LRRC53: variants seen among roughly 807,000 people sequenced by gnomAD.
LRRC53 encodes leucine rich repeat containing 53.
In LRRC53, 25 loss-of-function variants were observed where a neutral mutation model predicts 13.6. That is an observed-to-expected ratio of 1.83 (90% CI 1.34 to 2.56). The LOEUF (loss-of-function observed/expected upper bound fraction) is 2.56. LRRC53 is among the 30% of genes most tolerant of loss of function. The probability of loss-of-function intolerance (pLI) is 0.00; values close to 1 mark genes in which losing one functional copy is unlikely to be tolerated. For missense variants in LRRC53, 527 were observed against 275.8 expected (o/e 1.91, Z -6.45); for synonymous variants, 204 against 109.8 (o/e 1.86, Z -5.37).
At chr1:74,491,812 C>G (rs1197520170) in intron 1 of LRRC53, among the ~76,000 whole-genome samples, 1 of 152,166 alleles carries the variant, frequency 6.6e-6, no homozygotes, top group East Asian at 1.9e-4. Context: ...TAATAACCTT[C>G]TAAATATATT....
At chr1:74,506,658 A>T (rs1570716043) in intron 1 of LRRC53, among the ~76,000 whole-genome samples, 1 of 152,218 alleles carries the variant, frequency 6.6e-6, no homozygotes, top group Admixed American at 6.5e-5. Flanking sequence ...CTCAGGCCCC[A>T]CACCGGACCT....
intron 2 of LRRC53, 97 bp from the exon 3 acceptor site, chr1:74,481,065 T>G (rs2100257955): frequency 1.7e-6 from 1 of 603,804 alleles, no homozygotes; most frequent in South Asian, 2.0e-5. Context: ...CTGAGCAATC[T>G]TATCACCTGG....
At chr1:74,473,293 T>G (rs1055358471) in intron 4 of LRRC53, among the ~76,000 whole-genome samples, 5 of 152,084 alleles carry the variant, frequency 3.3e-5, no homozygotes, top group Non-Finnish European at 7.4e-5. Context: ...TAGTCACACA[T>G]CAGCTAAGTG....
At chr1:74,532,124 A>G in the LRRC53 span, among the ~76,000 whole-genome samples, 1 of 152,230 alleles carries the variant, frequency 6.6e-6, no homozygotes, top group East Asian at 1.9e-4. Context: ...ATGCAGCTTA[A>G]AAAATTTTAC....
chr1:74,475,156 A>C, intron 4 of LRRC53, 139 bp downstream of exon 4: 1 of 557,498 alleles, frequency 1.8e-6, no homozygotes, highest in Non-Finnish European at 3.2e-6. Flanking sequence ...ACACACACAC[A>C]CAGTATTTTT....
rs115128182 is a variant in LRRC53, at chr1:74,481,936, G to A, written c.89-968C>T. 9.1e-3 allele frequency among the ~76,000 whole-genome samples: 1,389 copies of A among 152,130 alleles called. 11 individuals are homozygous for A. Among genetic ancestry groups the A allele is most frequent in the African/African-American group, 0.027 (1,135 of 41,508 alleles). On this transcript the variant is annotated intron_variant, in intron 2 of 4. Transcript: ENST00000294635. Reference sequence around the variant, plus strand: ...CCTTAGGAAATTCAGACTGCATCGCGGAAACAAAGAGATTAAAAAATACGT... The same window carrying A: ...CCTTAGGAAATTCAGACTGCATCGCAGAAACAAAGAGATTAAAAAATACGT...
chr1:74,529,371 A>C, the LRRC53 span, among the ~76,000 whole-genome samples: 1 of 152,274 alleles, frequency 6.6e-6, no homozygotes, highest in South Asian at 2.1e-4. Flanking sequence ...CTCTGATAAA[A>C]CCAAATTGAA....
intron 1 of LRRC53, among the ~76,000 whole-genome samples, chr1:74,496,778 C>G (rs1669348036): frequency 6.6e-6 from 1 of 152,076 alleles, no homozygotes; most frequent in Non-Finnish European, 1.5e-5. Flanking sequence ...TTTTGTGCCT[C>G]TAGATATATT....
At chr1:74,500,521 G>C (rs1669563286) in intron 1 of LRRC53, among the ~76,000 whole-genome samples, 1 of 146,518 alleles carries the variant, frequency 6.8e-6, no homozygotes, top group South Asian at 2.2e-4. Flanking sequence ...GGAGAATGGC[G>C]TGAACCCGGG....
chr1:74,531,067 A>G, the LRRC53 span, among the ~76,000 whole-genome samples: 3 of 152,208 alleles, frequency 2.0e-5, no homozygotes, highest in Non-Finnish European at 4.4e-5. Flanking sequence ...TAATGGCTCA[A>G]GCAGAACCAT....
chr1:74,512,056 G>A (rs1220656997), intron 1 of LRRC53, among the ~76,000 whole-genome samples: 1 of 152,192 alleles, frequency 6.6e-6, no homozygotes, highest in Non-Finnish European at 1.5e-5. Flanking sequence ...CAGTCACTGA[G>A]ACCTCAGACT....
intron 3 of LRRC53, 28 bp downstream of exon 3, chr1:74,480,125 G>A (rs1668406927): frequency 2.9e-6 from 2 of 696,230 alleles, no homozygotes; most frequent in Non-Finnish European, 5.3e-6. Context: ...GAAGAGAAAA[G>A]AGGAGGGCAC....
chr1:74,502,750 C>A (rs1669699971), intron 1 of LRRC53, among the ~76,000 whole-genome samples: 1 of 152,188 alleles, frequency 6.6e-6, no homozygotes, highest in South Asian at 2.1e-4. Flanking sequence ...GCTTATGCCT[C>A]CTGAAGAAAC....
At chr1:74,530,079 C>G in the LRRC53 span, among the ~76,000 whole-genome samples, 1 of 152,148 alleles carries the variant, frequency 6.6e-6, no homozygotes, top group African/African-American at 2.4e-5. Context: ...ATCCTACTGC[C>G]TTGGCCTCCC....
intron 4 of LRRC53, 40 bp from the exon 5 acceptor site, chr1:74,472,241 G>C: frequency 1.4e-6 from 1 of 712,526 alleles, no homozygotes; most frequent in Non-Finnish European, 2.6e-6. Flanking sequence ...ACTTAGCAGA[G>C]TTTTATTACC....
At chr1:74,515,984 G>A (rs2100395971), upstream of LRRC53, among the ~76,000 whole-genome samples, 1 of 152,326 alleles carries the variant, frequency 6.6e-6, no homozygotes, top group South Asian at 2.1e-4. Context: ...TGCAGAAAAT[G>A]TAAATGGAGA....
chr1:74,515,796 T>A (rs191383625), upstream of LRRC53, among the ~76,000 whole-genome samples: 2 of 152,074 alleles, frequency 1.3e-5, no homozygotes, highest in African/African-American at 2.4e-5. Context: ...AAATCTGAGG[T>A]TTTTCTCTTC....
intron 1 of LRRC53, among the ~76,000 whole-genome samples, chr1:74,490,490 A>G (rs1669012350): frequency 6.6e-6 from 1 of 152,252 alleles, no homozygotes; most frequent in African/African-American, 2.4e-5. Context: ...ATCTACAAAC[A>G]TGATAGGATC....
chr1:74,526,925 A>G, the LRRC53 span, among the ~76,000 whole-genome samples: 1 of 152,192 alleles, frequency 6.6e-6, no homozygotes, highest in African/African-American at 2.4e-5. Flanking sequence ...CATATTATCT[A>G]TGTCTGTGTT....
Sources: allele counts gnomAD v4.1 joint callset (sites outside exome capture counted in the v4.1 genomes callset), GRCh38; gene constraint gnomAD v4.1.1; transcripts MANE v1.5; gene names NCBI Gene and HGNC (gene_info 2026-07-23, HGNC 2026-07-21).